Variants in POU6F2 observed in about 807,000 individuals in gnomAD.
POU6F2 encodes POU domain, class 6, transcription factor 2.
A neutral mutation model predicts 71.3 loss-of-function variants in POU6F2; 31 were observed. The ratio of observed to expected loss-of-function variants is 0.43; its 90% confidence interval spans 0.33 to 0.59. The LOEUF (loss-of-function observed/expected upper bound fraction) is 0.59. Ranked by LOEUF, POU6F2 falls within the 20% of genes least tolerant of loss-of-function variation. The probability of loss-of-function intolerance (pLI) is 0.04; values close to 1 mark genes in which losing one functional copy is unlikely to be tolerated. For missense variants in POU6F2, 783 were observed against 856.8 expected (o/e 0.91, Z 1.07); for synonymous variants, 347 against 355.7 (o/e 0.98, Z 0.27).
chr7:39,124,212 A>G (rs1285057278), intron 2 of POU6F2, among the ~76,000 whole-genome samples: 1 of 151,844 alleles, frequency 6.6e-6, no homozygotes, highest in Non-Finnish European at 1.5e-5. Flanking sequence ...ACACCCGGCT[A>G]ATTTTTGTAT....
intron 2 of POU6F2, among the ~76,000 whole-genome samples, chr7:39,093,245 G>A (rs1413792000): frequency 6.6e-6 from 1 of 151,814 alleles, no homozygotes; most frequent in Non-Finnish European, 1.5e-5. Context: ...AATATAAGGG[G>A]AAAATGATCA....
chr7:39,364,184 C>T (rs761652480), intron 5 of POU6F2, among the ~76,000 whole-genome samples: 7 of 151,476 alleles, frequency 4.6e-5, no homozygotes, highest in Non-Finnish European at 7.4e-5. Context: ...GAACGGAACA[C>T]AGACATAGTT....
At chr7:39,291,349 G>T (rs978418706) in intron 4 of POU6F2, among the ~76,000 whole-genome samples, 1 of 152,130 alleles carries the variant, frequency 6.6e-6, no homozygotes, top group African/African-American at 2.4e-5. Context: ...GCATTATGTT[G>T]TTGTGACCTG....
chr7:39,269,303 C>T (rs1387388593), intron 4 of POU6F2, among the ~76,000 whole-genome samples: 3 of 152,170 alleles, frequency 2.0e-5, no homozygotes, highest in Non-Finnish European at 4.4e-5. Context: ...ATCAGCCACT[C>T]CTGGCACATG....
chr7:39,289,345 C>T (rs1263261080), intron 4 of POU6F2, among the ~76,000 whole-genome samples: 2 of 152,224 alleles, frequency 1.3e-5, no homozygotes, highest in Admixed American at 6.5e-5. Context: ...CACCACGTGA[C>T]CATTTTATTT....
chr7:39,008,687 A>G (rs1789164021), intron 1 of POU6F2, among the ~76,000 whole-genome samples: 1 of 149,954 alleles, frequency 6.7e-6, no homozygotes, highest in African/African-American at 2.4e-5. Context: ...TCCATCTTGA[A>G]TTGATTTTTG....
chr7:39,269,691 C>A (rs4723835), intron 4 of POU6F2, among the ~76,000 whole-genome samples: 93,991 of 151,748 alleles, frequency 0.62, 29,465 homozygotes, highest in East Asian at 0.76. Context: ...CTGCAAGCAC[C>A]CCCTGAGCCT....
intron 5 of POU6F2, among the ~76,000 whole-genome samples, chr7:39,388,697 T>G (rs1487429519): frequency 6.6e-6 from 1 of 152,220 alleles, no homozygotes; most frequent in Admixed American, 6.5e-5. Flanking sequence ...CTTAGTCTTC[T>G]GAGAAAAACA....
At chr7:39,435,754 G>A (rs1022979641) in intron 7 of POU6F2, among the ~76,000 whole-genome samples, 2 of 152,020 alleles carry the variant, frequency 1.3e-5, no homozygotes, top group African/African-American at 4.8e-5. Context: ...GGGTTTTTAT[G>A]GTGTGGGGTT....
At chr7:39,048,041 A>G (rs1283168879) in intron 1 of POU6F2, among the ~76,000 whole-genome samples, 1 of 151,622 alleles carries the variant, frequency 6.6e-6, no homozygotes, top group East Asian at 1.9e-4. Context: ...GAAAGACTTT[A>G]CTCTTTCTCT....
intron 2 of POU6F2, among the ~76,000 whole-genome samples, chr7:39,123,884 A>T (rs1792093589): frequency 6.6e-6 from 1 of 152,144 alleles, no homozygotes; most frequent in African/African-American, 2.4e-5. Flanking sequence ...AAAATCTGTA[A>T]ATTCATGATA....
At chr7:39,216,698 A>G (rs1794249912) in intron 4 of POU6F2, among the ~76,000 whole-genome samples, 1 of 152,344 alleles carries the variant, frequency 6.6e-6, no homozygotes, top group African/African-American at 2.4e-5. Flanking sequence ...AATATAAGTG[A>G]ATGCTCTAGG....
At chr7:39,105,548 G>C (rs930480433) in intron 2 of POU6F2, among the ~76,000 whole-genome samples, 1 of 151,852 alleles carries the variant, frequency 6.6e-6, no homozygotes, top group South Asian at 2.1e-4. Flanking sequence ...AGAAGTCTCA[G>C]CACAGGCAAG....
chr7:39,383,028 A>C (rs1020216269), intron 5 of POU6F2, among the ~76,000 whole-genome samples: 4 of 152,252 alleles, frequency 2.6e-5, no homozygotes, highest in Non-Finnish European at 4.4e-5. Context: ...CCTTTCCGCA[A>C]AAAGTACTTA....
At chr7:39,424,202 T>C (rs949847628) in intron 6 of POU6F2, among the ~76,000 whole-genome samples, 1 of 152,174 alleles carries the variant, frequency 6.6e-6, no homozygotes, top group African/African-American at 2.4e-5. Flanking sequence ...TCAAATACCA[T>C]TATATTGGAC....
At chr7:39,185,845 GTATATGTATGTGTATATA>G in intron 2 of POU6F2, among the ~76,000 whole-genome samples, 1 of 66,572 alleles carries the variant, frequency 1.5e-5, no homozygotes, top group Non-Finnish European at 2.7e-5. Context: ...ATATGTATAT[GTATATGTATGTGTATATA>G]TGTATATATG....
chr7:39,294,383 A>G (rs533157415), intron 4 of POU6F2, among the ~76,000 whole-genome samples: 5 of 147,334 alleles, frequency 3.4e-5, no homozygotes, highest in Admixed American at 2.7e-4. Flanking sequence ...CAAAAACCAC[A>G]ATTACTTTTG....
intron 4 of POU6F2, among the ~76,000 whole-genome samples, chr7:39,248,421 A>G (rs1400517160): frequency 6.6e-6 from 1 of 152,148 alleles, no homozygotes; most frequent in Non-Finnish European, 1.5e-5. Flanking sequence ...TGCTGCCCCC[A>G]TCGCCTTTCC....
rs1784759861 is a variant in POU6F2, at chr7:39,291,711, G to A, written c.599-47931G>A. On this transcript the variant is annotated intron_variant, in intron 4 of 9. Coordinates refer to ENST00000518318, the MANE Select transcript of POU6F2 (RefSeq NM_001370959.1). ...AGATGAGGGCTAGGCTTGAAGCACG[G>A]TTTCATTAATACCGGATGGCAGAAA... is the stretch of plus-strand genomic sequence containing the variant. Among the ~76,000 whole-genome samples, 5 of 152,144 alleles carry A rather than the reference G, an allele frequency of 3.3e-5. No homozygotes were observed. In the South Asian group the frequency reaches 8.3e-4, roughly 25 times the overall value.
Sources: gnomAD v4.1 joint callset for allele counts (sites outside exome capture counted in the v4.1 genomes callset) on GRCh38, gnomAD v4.1.1 for gene constraint, MANE v1.5 for transcripts, NCBI Gene and HGNC (gene_info 2026-07-23, HGNC 2026-07-21) for gene names.